Variants in HMBOX1 observed in about 807,000 individuals in gnomAD.
HMBOX1 encodes the protein homeobox-containing protein 1.
HMBOX1 carries 14 observed loss-of-function variants against 54.5 expected under a neutral mutation model. The observed-to-expected ratio is 0.26, with a 90% confidence interval of 0.17 to 0.40. The LOEUF is 0.40. Ranked by LOEUF, HMBOX1 falls within the 10% of genes least tolerant of loss-of-function variation. HMBOX1 has a pLI of 1.00. For synonymous variants in HMBOX1, 160 were observed against 181.0 expected, an observed-to-expected ratio of 0.88 and a Z score of 0.93; for missense variants, 332 against 514.4, an observed-to-expected ratio of 0.65 and a Z score of 3.43.
intron 1 of HMBOX1, among the ~76,000 whole-genome samples, chr8:28,937,184 A>T (rs1820558166): frequency 6.6e-6 from 1 of 152,228 alleles, no homozygotes. Context: ...AGTGGGTGTC[A>T]GCATTTCTGT....
chr8:28,966,791 A>G lies in HMBOX1; in HGVS notation c.23+2901A>G, dbSNP rs1004515836. On this transcript the variant is annotated intron_variant, in intron 2 of 9. Transcript: ENST00000287701. Reference sequence around the variant, plus strand: ...CTCTTAATCACTTTGCTTTGTAGTGATCATATGAATGATCATTCTAGCAAT... The same window carrying G: ...CTCTTAATCACTTTGCTTTGTAGTGGTCATATGAATGATCATTCTAGCAAT... Among the ~76,000 whole-genome samples the G allele has an allele frequency of 3.9e-5, 6 of 152,168 alleles. No homozygotes were observed. In the East Asian group the frequency reaches 1.2e-3, roughly 29 times the overall value.
intron 1 of HMBOX1, among the ~76,000 whole-genome samples, chr8:28,906,224 G>A (rs1470095848): frequency 1.3e-5 from 2 of 152,172 alleles, no homozygotes; most frequent in Non-Finnish European, 2.9e-5. Flanking sequence ...TACTATTTCT[G>A]TAGTTTTTGG....
intron 1 of HMBOX1, among the ~76,000 whole-genome samples, chr8:28,952,877 C>A (rs761939203): frequency 6.6e-6 from 1 of 152,180 alleles, no homozygotes; most frequent in Non-Finnish European, 1.5e-5. Context: ...TGACTTCTTG[C>A]ACAGTGTTTA....
intron 4 of HMBOX1, among the ~76,000 whole-genome samples, chr8:29,004,339 C>A (rs935987239): frequency 6.6e-6 from 1 of 152,042 alleles, no homozygotes; most frequent in Non-Finnish European, 1.5e-5. Context: ...GCCCTGAAGT[C>A]GACTGAAAAG....
At chr8:29,033,071 T>G (rs1803263584) in intron 6 of HMBOX1, among the ~76,000 whole-genome samples, 1 of 151,990 alleles carries the variant, frequency 6.6e-6, no homozygotes, top group African/African-American at 2.4e-5. Flanking sequence ...CAGAGTTGAG[T>G]CCTTTAAAAT....
intron 1 of HMBOX1, among the ~76,000 whole-genome samples, chr8:28,960,205 T>C (rs189285961): frequency 2.0e-3 from 285 of 145,542 alleles, no homozygotes; most frequent in Middle Eastern, 6.8e-3. Context: ...CTATTTTTTC[T>C]TTTGACTTTT....
chr8:28,921,823 G>A (rs1291524942), intron 1 of HMBOX1, among the ~76,000 whole-genome samples: 1 of 152,196 alleles, frequency 6.6e-6, no homozygotes, highest in South Asian at 2.1e-4. Context: ...TATCACTTGA[G>A]TAGCTTCTCA....
At chr8:28,998,101 A>G (rs1365003116) in intron 4 of HMBOX1, among the ~76,000 whole-genome samples, 1 of 152,088 alleles carries the variant, frequency 6.6e-6, no homozygotes, top group Non-Finnish European at 1.5e-5. Context: ...ATGTAACTCT[A>G]TTCAGATTTT....
chr8:29,009,713 C>T (rs1225678701), intron 5 of HMBOX1: 3 of 1,287,062 alleles, frequency 2.3e-6, no homozygotes, highest in East Asian at 5.6e-5. Flanking sequence ...CTCCCAGGAG[C>T]AGCAGTAGAT....
chr8:28,910,309 C>T (rs1292646579), intron 1 of HMBOX1, among the ~76,000 whole-genome samples: 1 of 152,038 alleles, frequency 6.6e-6, no homozygotes, highest in Non-Finnish European at 1.5e-5. Flanking sequence ...TTTGTTTGTC[C>T]ACCAGCTGAT....
intron 1 of HMBOX1, among the ~76,000 whole-genome samples, chr8:28,922,284 G>A (rs1189331720): frequency 6.6e-5 from 10 of 152,128 alleles, no homozygotes; most frequent in Non-Finnish European, 1.2e-4. Flanking sequence ...GAGGTTGTGC[G>A]TAGGTTCTTT....
At chr8:29,022,646 T>C (rs1171969710) in intron 6 of HMBOX1, among the ~76,000 whole-genome samples, 1 of 152,096 alleles carries the variant, frequency 6.6e-6, no homozygotes, top group African/African-American at 2.4e-5. Context: ...GATATAACAT[T>C]AAGTTTAAAA....
chr8:28,909,663 A>G (rs1258649476), intron 1 of HMBOX1, among the ~76,000 whole-genome samples: 1 of 152,204 alleles, frequency 6.6e-6, no homozygotes, highest in Non-Finnish European at 1.5e-5. Context: ...CGCCTGCTAA[A>G]GTGCTTAGTA....
chr8:28,964,410 T>C (rs1446842904), intron 2 of HMBOX1, among the ~76,000 whole-genome samples: 1 of 152,116 alleles, frequency 6.6e-6, no homozygotes, highest in Non-Finnish European at 1.5e-5. Flanking sequence ...AAAATACAAA[T>C]TGAGATAGTG....
At chr8:28,969,428 T>C (rs1269358357) in intron 2 of HMBOX1, among the ~76,000 whole-genome samples, 1 of 152,084 alleles carries the variant, frequency 6.6e-6, no homozygotes, top group Non-Finnish European at 1.5e-5. Flanking sequence ...ATGGAAAACT[T>C]AGGAAATTGC....
intron 3 of HMBOX1, among the ~76,000 whole-genome samples, chr8:28,976,951 C>T (rs747063215): frequency 2.0e-5 from 3 of 151,858 alleles, no homozygotes; most frequent in Non-Finnish European, 2.9e-5. Context: ...TCAAGTGATC[C>T]GCCCGCCTCA....
chr8:29,040,863 T>C (rs1252491012), intron 6 of HMBOX1, among the ~76,000 whole-genome samples: 1 of 152,160 alleles, frequency 6.6e-6, no homozygotes, highest in Non-Finnish European at 1.5e-5. Context: ...TTAAATTTAA[T>C]TAATTTTAAA....
chr8:28,938,612 ATT>A (rs778373499), intron 1 of HMBOX1, among the ~76,000 whole-genome samples: 7 of 140,588 alleles, frequency 5.0e-5, no homozygotes, highest in Admixed American at 7.1e-5. Context: ...ACTCCTGGCA[ATT>A]TTTTTTTTTT....
chr8:28,976,700 CTTT>C (rs1301588694), intron 3 of HMBOX1, among the ~76,000 whole-genome samples: 1 of 147,144 alleles, frequency 6.8e-6, no homozygotes, highest in African/African-American at 2.5e-5. Context: ...CTTTTCTTTT[CTTT>C]TTTTTCTTTT....
Sources: gnomAD v4.1 joint callset for allele counts (sites outside exome capture counted in the v4.1 genomes callset) on GRCh38, gnomAD v4.1.1 for gene constraint, MANE v1.5 for transcripts, NCBI Gene and HGNC (gene_info 2026-07-23, HGNC 2026-07-21) for gene names.